Variants in PIEZO2 observed in about 807,000 individuals in gnomAD.
PIEZO2 encodes the protein piezo type mechanosensitive ion channel component 2.
PIEZO2 carries 172 observed loss-of-function variants against 337.3 expected under a neutral mutation model. The ratio of observed to expected loss-of-function variants is 0.51; its 90% CI spans 0.45 to 0.58. The LOEUF is 0.58. Ranked by LOEUF, PIEZO2 falls within the 20% of genes least tolerant of loss-of-function variation. PIEZO2 has a pLI of 0.00. For missense variants in PIEZO2, 3,028 were observed against 3,391.3 expected (o/e 0.89, Z 2.66); for synonymous variants, 1,251 against 1,228.5 (o/e 1.02, Z -0.38).
rs1005940363 is a variant in PIEZO2, at chr18:11,128,533, G to A, written c.64+19992C>T. 6.6e-6 allele frequency among the ~76,000 whole-genome samples: 1 copy of A among 152,190 alleles called. No homozygotes were observed. The highest frequency in any genetic ancestry group is 6.5e-5 in the Admixed American group (1 of 15,282). On this transcript the variant is annotated intron_variant, in intron 1 of 55. Transcript: ENST00000674853. The surrounding 1 kb of genome is among the most constrained non-coding windows in gnomAD (Gnocchi z 4.1). Reference sequence around the variant, plus strand: ...TGAACCTTTTTTGCCAGAAGGAACAGCTTCCCCATCCCCAGTAGCGGCAAC... The same window carrying A: ...TGAACCTTTTTTGCCAGAAGGAACAACTTCCCCATCCCCAGTAGCGGCAAC...
intron 1 of PIEZO2, among the ~76,000 whole-genome samples, chr18:11,098,970 AT>A (rs34896056): frequency 2.6e-3 from 369 of 140,826 alleles, no homozygotes; most frequent in African/African-American, 5.9e-3. Context: ...TATAATTTAA[AT>A]TTTTTTTTTT....
At chr18:10,898,930 C>T (rs1037338060) in intron 4 of PIEZO2, among the ~76,000 whole-genome samples, 2 of 152,150 alleles carry the variant, frequency 1.3e-5, no homozygotes, top group Admixed American at 1.3e-4. Context: ...CCTGGGAGTC[C>T]TGCCTGACCA....
chr18:10,867,617 A>T (rs1465659249), intron 5 of PIEZO2, among the ~76,000 whole-genome samples: 1 of 152,204 alleles, frequency 6.6e-6, no homozygotes, highest in East Asian at 1.9e-4. Flanking sequence ...TAAGCATTTG[A>T]TCTATCAGAA....
chr18:10,775,352 T>C lies in PIEZO2; in HGVS notation c.2535-1314A>G, dbSNP rs1453092476. Among the ~76,000 whole-genome samples the C allele has an allele frequency of 1.3e-5, 2 of 152,214 alleles. No individual in the cohort carries two copies. The highest frequency in any genetic ancestry group is 2.9e-5 in the Non-Finnish European group (2 of 68,036). On this transcript the variant is annotated intron_variant, in intron 18 of 55. Transcript: ENST00000674853. The surrounding 1 kb of genome is among the most constrained non-coding windows in gnomAD (Gnocchi z 4.3). Reference sequence around the variant, plus strand: ...TCAGGACTCTCCATGTGAAATGTTATTAAATGTGGAAGTGATCGGCTGCTG... The same window carrying C: ...TCAGGACTCTCCATGTGAAATGTTACTAAATGTGGAAGTGATCGGCTGCTG...
At chr18:10,706,568 A>C (rs1452456892) in intron 40 of PIEZO2, among the ~76,000 whole-genome samples, 1 of 152,210 alleles carries the variant, frequency 6.6e-6, no homozygotes, top group Non-Finnish European at 1.5e-5. Flanking sequence ...CTCTTTGAGT[A>C]GTCCTTTTCC....
rs2036324408 is a variant in PIEZO2, at chr18:11,021,852, T to A, written c.161-42192A>T. Among the ~76,000 whole-genome samples the A allele has an allele frequency of 6.6e-6, 1 of 152,208 alleles. No homozygotes were observed. The highest frequency in any genetic ancestry group is 2.1e-4 in the South Asian group (1 of 4,828). On this transcript the variant is annotated intron_variant, in intron 2 of 55. Coordinates refer to ENST00000674853, the MANE Select transcript of PIEZO2 (RefSeq NM_001378183.1). The surrounding 1 kb of genome is among the most constrained non-coding windows in gnomAD (Gnocchi z 4.7). ...TGCTGCAGTTCCATTCTTCTCCATC[T>A]TGATGGCAGAGTCCAGATGCTGCCT... is the stretch of plus-strand genomic sequence containing the variant.
At chr18:10,791,776 C>G (rs2039418978) in intron 13 of PIEZO2, 1 of 152,454 alleles carries the variant, frequency 6.6e-6, no homozygotes, top group East Asian at 1.9e-4. Flanking sequence ...AAATTTCATC[C>G]CAGAAAATAG....
At chr18:11,106,888 C>G (rs544522318) in intron 1 of PIEZO2, among the ~76,000 whole-genome samples, 15 of 152,174 alleles carry the variant, frequency 9.9e-5, no homozygotes, top group Non-Finnish European at 8.8e-5. Context: ...TGGAGCTTGC[C>G]ACAGTTCCCC....
rs264196 is a variant in PIEZO2 at position 10,962,595 on chromosome 18, C to T, written c.286+16940G>A. Reference sequence around the variant, plus strand: ...TGTTGCTCTAGACCAGGCATTTTTGCCTCATTCAGCTGTGCTACATTGCCC... The same window carrying T: ...TGTTGCTCTAGACCAGGCATTTTTGTCTCATTCAGCTGTGCTACATTGCCC... On this transcript the variant is annotated intron_variant, in intron 3 of 55. Transcript: ENST00000674853. The surrounding 1 kb of genome is among the most constrained non-coding windows in gnomAD (Gnocchi z 4.1). Among the ~76,000 whole-genome samples the T allele has an allele frequency of 0.51, 77,955 of 152,000 alleles. 20,312 individuals are homozygous for T. The highest frequency in any genetic ancestry group is 0.57 in the African/African-American group (23,760 of 41,450).
intron 33 of PIEZO2, among the ~76,000 whole-genome samples, chr18:10,737,308 C>T (rs575611812): frequency 1.0e-3 from 135 of 134,900 alleles, no homozygotes; most frequent in East Asian, 6.1e-4. Flanking sequence ...CAAAAAAACA[C>T]GCACACACTG....
intron 2 of PIEZO2, among the ~76,000 whole-genome samples, chr18:11,053,347 A>C (rs544884975): frequency 6.6e-6 from 1 of 152,250 alleles, no homozygotes; most frequent in Non-Finnish European, 1.5e-5. Flanking sequence ...AAGATCCTAT[A>C]GTAAAGACTG....
At position 10,750,277 on chromosome 18, in the gene PIEZO2, A is replaced by C. The variant is rs1173259438; in HGVS notation, c.4168-90T>G. The C allele has an allele frequency of 1.1e-6, 1 of 923,664 alleles. No individual in the cohort carries two copies. The highest frequency in any genetic ancestry group is 1.7e-6 in the Non-Finnish European group (1 of 592,080). 57.2% of individuals were successfully genotyped at this position (923,664 alleles called of 1,614,324 possible). A position where few individuals can be genotyped will look rare whatever the true frequency, so the allele number is the denominator to read the frequency against. ...GATCCCAACATGTGCAAGAATTCAC[A>C]AGGTCTCAGTGATAAGGATTCCAGG... On this transcript the variant is annotated intron_variant, in intron 28 of 55. Transcript: ENST00000674853. The surrounding 1 kb of genome is among the most constrained non-coding windows in gnomAD (Gnocchi z 4.1).
intron 2 of PIEZO2, among the ~76,000 whole-genome samples, chr18:10,996,158 A>G (rs917784067): frequency 1.1e-4 from 16 of 152,350 alleles, no homozygotes; most frequent in African/African-American, 3.8e-4. Flanking sequence ...GCATAAGAAA[A>G]GGAGAAATAT....
intron 49 of PIEZO2, among the ~76,000 whole-genome samples, chr18:10,685,791 G>A (rs909854567): frequency 6.6e-6 from 1 of 152,224 alleles, no homozygotes; most frequent in African/African-American, 2.4e-5. Flanking sequence ...CCTTCTGGCA[G>A]CTCTTGTACC....
In PIEZO2 at chr18:11,104,668, C is replaced by G. The variant is rs1399262505; in HGVS notation, c.65-38446G>C. ...AGCAGCTTTCTCAGCCTACCTACAA[C>G]AAAGAGGTCTGTGGCCCGGCTGAGC... is the stretch of plus-strand genomic sequence containing the variant. On this transcript the variant is annotated intron_variant, in intron 1 of 55. Coordinates refer to ENST00000674853, the MANE Select transcript of PIEZO2 (RefSeq NM_001378183.1). The surrounding 1 kb of genome is among the most constrained non-coding windows in gnomAD (Gnocchi z 4.6). Among the ~76,000 whole-genome samples, 1 of 152,248 alleles carries G rather than the reference C, an allele frequency of 6.6e-6. No individual in the cohort carries two copies. The highest frequency in any genetic ancestry group is 1.5e-5 in the Non-Finnish European group (1 of 68,048).
At chr18:10,922,380 G>A (rs186376211) in intron 3 of PIEZO2, among the ~76,000 whole-genome samples, 5 of 152,176 alleles carry the variant, frequency 3.3e-5, no homozygotes, top group East Asian at 1.9e-4. Flanking sequence ...CAGAAAAAAC[G>A]GAGATGGAAA....
At position 10,714,817 on chromosome 18, in the gene PIEZO2, A is replaced by C. The variant is rs2035949267; in HGVS notation, c.5370T>G (p.Gly1790=). 1 of 1,537,284 alleles carries C rather than the reference A, an allele frequency of 6.5e-7. No homozygotes were observed. Among genetic ancestry groups the C allele is most frequent in the Non-Finnish European group, 8.7e-7 (1 of 1,146,904 alleles). Residue 1790 remains glycine (G), a synonymous_variant, in exon 39 of 56, where the codon GGT becomes GGG. Coordinates refer to ENST00000674853, the MANE Select transcript of PIEZO2 (RefSeq NM_001378183.1). The part of the protein sequence containing the change: ...TIDEHPGAAS[G]AQTAHRMDSL... ...TATCCATCCTGTGGGCTGTCTGTGC[A>C]CCTGAAGCAGCTCCGGGATGCTCGT...
At chr18:10,807,344 A>G (rs1011611678) in intron 7 of PIEZO2, 70 bp from the exon 8 acceptor site, 1 of 1,411,646 alleles carries the variant, frequency 7.1e-7, no homozygotes, top group African/African-American at 1.4e-5. Flanking sequence ...GAATAAAAGT[A>G]CTTTGTTTTT....
Position 10,715,635 on chromosome 18 carries a change from C to T in PIEZO2, c.5256+15G>A, listed in dbSNP as rs1191107710. The T allele has an allele frequency of 6.6e-7, 1 of 1,510,582 alleles. No homozygotes were observed. Among genetic ancestry groups the T allele is most frequent in the Non-Finnish European group, 8.8e-7 (1 of 1,135,494 alleles). 93.6% of individuals were successfully genotyped at this position (1,510,582 alleles called of 1,614,324 possible). On this transcript the variant is annotated intron_variant, in intron 38 of 55. Transcript: ENST00000674853. Reference sequence around the variant, plus strand: ...ATGTGGGAAGGAGCAAAAAGAATTACACCAGCAGTGTTACCTTCTTAATTT... The same window carrying T: ...ATGTGGGAAGGAGCAAAAAGAATTATACCAGCAGTGTTACCTTCTTAATTT...
Sources: gnomAD v4.1 joint callset for allele counts (sites outside exome capture counted in the v4.1 genomes callset) on GRCh38, gnomAD v4.1.1 for gene constraint, Gnocchi (gnomAD v3.1) non-coding constraint, MANE v1.5 for transcripts, NCBI Gene and HGNC (gene_info 2026-07-23, HGNC 2026-07-21) for gene names.